The following CACNG5 variants were observed in gnomAD, a reference collection of about 807,000 sequenced individuals.
CACNG5 encodes the protein voltage-dependent calcium channel gamma-5 subunit.
A neutral mutation model predicts 24.8 loss-of-function variants in CACNG5; 18 were observed. The observed-to-expected ratio is 0.73, with a 90% confidence interval of 0.50 to 1.08. CACNG5 has a LOEUF of 1.08. Ranked by LOEUF, CACNG5 falls within the 50% of genes least tolerant of loss-of-function variation. CACNG5 has a pLI of 0.00. For missense variants in CACNG5, 349 were observed against 367.9 expected (o/e 0.95, Z 0.42); for synonymous variants, 157 against 149.1 (o/e 1.05, Z -0.39).
At chr17:66,881,642 C>T (rs1023352947) in intron 4 of CACNG5, among the ~76,000 whole-genome samples, 1 of 152,160 alleles carries the variant, frequency 6.6e-6, no homozygotes, top group African/African-American at 2.4e-5. Flanking sequence ...AAACAGTAGA[C>T]AGAAGATAGG....
At chr17:66,884,752 C>T (rs373767700) in intron 5 of CACNG5, 91 bp downstream of exon 5, 1 of 1,613,794 alleles carries the variant, frequency 6.2e-7, no homozygotes, top group African/African-American at 1.3e-5. Flanking sequence ...AAGGGACATT[C>T]CACAACCATT....
chr17:66,867,449 T>G (rs1283934988), intron 1 of CACNG5, among the ~76,000 whole-genome samples: 1 of 152,248 alleles, frequency 6.6e-6, no homozygotes, highest in Non-Finnish European at 1.5e-5. Flanking sequence ...TAGTTTCTTT[T>G]GCTGTGCAGA....
At chr17:66,849,728 A>ACTT (rs2143043196) in intron 1 of CACNG5, among the ~76,000 whole-genome samples, 1 of 152,262 alleles carries the variant, frequency 6.6e-6, no homozygotes, top group African/African-American at 2.4e-5. Flanking sequence ...CCTAGGCTTG[A>ACTT]TGGAAGGAGC....
rs533478481 is a variant in CACNG5 at position 66,855,383 on chromosome 17, G to T, written c.-104+20133G>T. The stretch of plus-strand genomic sequence containing the variant: ...GCCTTCAGGCTCTTCAGGTCTCTGG[G>T]CCGCACCACCATGTTCAACCGACAG... On this transcript the variant is annotated intron_variant, in intron 1 of 5. Transcript: ENST00000533854. Among the ~76,000 whole-genome samples the T allele has an allele frequency of 3.2e-4, 49 of 152,336 alleles. 1 individual carries two copies. The South Asian group carries it at 9.5e-3, about 30-fold the overall frequency.
chr17:66,859,900 C>G (rs990643200), intron 1 of CACNG5, among the ~76,000 whole-genome samples: 3 of 152,078 alleles, frequency 2.0e-5, no homozygotes, highest in African/African-American at 7.2e-5. Flanking sequence ...TCTTCTCCAC[C>G]TCTTCCATAA....
At chr17:66,849,592 G>C (rs1408102958) in intron 1 of CACNG5, among the ~76,000 whole-genome samples, 2 of 152,176 alleles carry the variant, frequency 1.3e-5, no homozygotes, top group Non-Finnish European at 2.9e-5. Flanking sequence ...GCTGAACACA[G>C]GTGGGGGACC....
chr17:66,877,476 C>A lies in CACNG5; in HGVS notation c.144C>A (p.Thr48=), dbSNP rs757713634. 1 of 1,614,004 alleles carries A rather than the reference C, an allele frequency of 6.2e-7. No homozygotes were observed. The highest frequency in any genetic ancestry group is 8.5e-7 in the Non-Finnish European group (1 of 1,179,992). ...TGATTGTGCCCCAGAACCAGAGCAC[C>A]GAGATCAAGATGTCCCTGCACTCAG... The part of the protein sequence containing the change: ...EGVIVPQNQS[T]EIKMSLHSGL... The change falls in exon 2 of 6, where the codon ACC becomes ACA. Residue 48 remains threonine (T), a synonymous_variant. Transcript: ENST00000533854.
chr17:66,878,583 G>T (rs1271747491), intron 2 of CACNG5, among the ~76,000 whole-genome samples: 1 of 152,198 alleles, frequency 6.6e-6, no homozygotes, highest in African/African-American at 2.4e-5. Flanking sequence ...AGGGCTTTTG[G>T]AGTTTTGCTC....
rs1977263926 is a variant in CACNG5, at chr17:66,886,560, A to AT, written c.*1324dup. On this transcript the variant is annotated 3_prime_UTR_variant, in exon 6 of 6. Transcript: ENST00000533854. ...TAGCTTAGATGTTTTTGGTTTTGAG[A>AT]TTTTGAGTAGCAAAGCAATGCTGTG... Among the ~76,000 whole-genome samples, 1 of 152,090 alleles carries AT rather than the reference A, an allele frequency of 6.6e-6. No homozygotes were observed. Among genetic ancestry groups the AT allele is most frequent in the Non-Finnish European group, 1.5e-5 (1 of 68,004 alleles).
chr17:66,878,825 G>A, intron 2 of CACNG5, 147 bp from the exon 3 acceptor site: 1 of 625,184 alleles, frequency 1.6e-6, no homozygotes, highest in East Asian at 2.9e-5. Context: ...GCCAGGGACA[G>A]GACCCCCATA....
chr17:66,852,904 CTCTCTTCTT>C (rs1976724534), intron 1 of CACNG5, among the ~76,000 whole-genome samples: 1 of 143,390 alleles, frequency 7.0e-6, no homozygotes. Context: ...TCTCTCTTCT[CTCTCTTCTT>C]TCTCTCTTCT....
rs916419915 is a variant in CACNG5, at chr17:66,893,890, G to T, written c.*8650G>T. Among the ~76,000 whole-genome samples the T allele has an allele frequency of 2.0e-5, 3 of 152,186 alleles. No individual in the cohort carries two copies. ...AAGTGAGAATAAATTTTACTTAGAT[G>T]CAAGAAGTGTCACCTTGTTGTGTTA... On this transcript the variant is annotated 3_prime_UTR_variant, in exon 6 of 6. Transcript: ENST00000533854.
chr17:66,842,001 C>G (rs1038939245), intron 1 of CACNG5, among the ~76,000 whole-genome samples: 7 of 152,212 alleles, frequency 4.6e-5, no homozygotes, highest in Non-Finnish European at 7.3e-5. Flanking sequence ...ATCAGAGTAT[C>G]TTCCATCACA....
chr17:66,893,615 C>A lies in CACNG5; in HGVS notation c.*8375C>A, dbSNP rs11657359. Among the ~76,000 whole-genome samples the A allele has an allele frequency of 0.066, 9,991 of 152,220 alleles. 407 individuals carry two copies. The highest frequency in any genetic ancestry group is 0.13 in the Middle Eastern group (38 of 294). On this transcript the variant is annotated 3_prime_UTR_variant, in exon 6 of 6. Transcript: ENST00000533854. ...GTGCTGGAGGAATTGGGCTCAGATC[C>A]TAGAGATGAGCTCATGTCAGACTCT...
In CACNG5 at chr17:66,887,249, A is replaced by G. The variant is rs1977274449; in HGVS notation, c.*2009A>G. On this transcript the variant is annotated 3_prime_UTR_variant, in exon 6 of 6. Coordinates refer to ENST00000533854, the MANE Select transcript of CACNG5 (RefSeq NM_145811.3). ...ACTCATTCACCACGAATCCTTGGGC[A>G]ACACCCTTCCACTCTGAGGGGCTTG... is the stretch of plus-strand genomic sequence containing the variant. 6.6e-6 allele frequency among the ~76,000 whole-genome samples: 1 copy of G among 152,136 alleles called. No homozygotes were observed. The highest frequency in any genetic ancestry group is 1.5e-5 in the Non-Finnish European group (1 of 68,024).
At chr17:66,854,695 A>C (rs1976748490) in intron 1 of CACNG5, among the ~76,000 whole-genome samples, 1 of 151,972 alleles carries the variant, frequency 6.6e-6, no homozygotes, top group Non-Finnish European at 1.5e-5. Flanking sequence ...ACTCTGTCTC[A>C]AAAAAAAGAA....
chr17:66,835,539 A>G (rs6504463), intron 1 of CACNG5, among the ~76,000 whole-genome samples: 119,852 of 152,202 alleles, frequency 0.79, 48,133 homozygotes, highest in African/African-American at 0.93. Flanking sequence ...CTTCTAGGCA[A>G]TTTACCCATG....
At chr17:66,878,234 CA>C (rs1463933188) in intron 2 of CACNG5, among the ~76,000 whole-genome samples, 1 of 152,210 alleles carries the variant, frequency 6.6e-6, no homozygotes, top group Non-Finnish European at 1.5e-5. Context: ...AAAGCATTTC[CA>C]AGTCATACAA....
chr17:66,850,772 G>A (rs1976702529), intron 1 of CACNG5, among the ~76,000 whole-genome samples: 1 of 152,136 alleles, frequency 6.6e-6, no homozygotes, highest in Non-Finnish European at 1.5e-5. Flanking sequence ...AAGGGAGGGG[G>A]ATGAAAAATA....
Sources: gnomAD v4.1 joint callset for allele counts (sites outside exome capture counted in the v4.1 genomes callset) on GRCh38, gnomAD v4.1.1 for gene constraint, MANE v1.5 for transcripts, NCBI Gene and HGNC (gene_info 2026-07-23, HGNC 2026-07-21) for gene names.